Variants in NOD2 observed in about 807,000 individuals in gnomAD.
NOD2 encodes nucleotide binding oligomerization domain containing 2, also known as nucleotide-binding oligomerization domain-containing protein 2.
Under a neutral mutation model 90.9 loss-of-function variants are expected in NOD2, and 86 were observed. The observed-to-expected ratio is 0.95, with a 90% CI of 0.79 to 1.13. NOD2 has a LOEUF of 1.13. NOD2 is among the 50% of genes most tolerant of loss of function. NOD2 has a pLI of 0.00. For missense variants in NOD2, 1,238 were observed against 1,283.8 expected (o/e 0.96, Z 0.55); for synonymous variants, 581 against 554.6 (o/e 1.05, Z -0.67).
At position 50,694,610 on chromosome 16, in the gene NOD2, G is replaced by A. The variant is rs570137737; in HGVS notation, c.-9+948G>A. ...TGGTGGGGAGCTTATTACTGATGAG[G>A]TGGCTTTTTAGTGCCTTGCAGCTCT... On this transcript the variant is annotated intron_variant, in intron 1 of 11. Transcript: ENST00000647318. Among the ~76,000 whole-genome samples the A allele has an allele frequency of 1.7e-4, 26 of 152,294 alleles. No homozygotes were observed. The South Asian group carries it at 5.2e-3, about 30-fold the overall frequency.
intron 1 of NOD2, among the ~76,000 whole-genome samples, chr16:50,698,329 G>T (rs1357508756): frequency 6.6e-6 from 1 of 152,186 alleles, no homozygotes; most frequent in Non-Finnish European, 1.5e-5. Context: ...TGATAGCAGT[G>T]GCAGCAGTCT....
chr16:50,717,795 C>T (rs1245024125), intron 6 of NOD2, among the ~76,000 whole-genome samples: 2 of 152,226 alleles, frequency 1.3e-5, no homozygotes, highest in Non-Finnish European at 2.9e-5. Context: ...AGGCTGTGGC[C>T]AGACCTGGCT....
At chr16:50,702,561 A>G (rs1026777364) in intron 2 of NOD2, among the ~76,000 whole-genome samples, 3 of 152,222 alleles carry the variant, frequency 2.0e-5, no homozygotes, top group African/African-American at 7.2e-5. Flanking sequence ...TTTCCTATAA[A>G]GAAGTAGTTG....
rs1346346993 is a variant in NOD2 at position 50,712,146 on chromosome 16, C to A, written c.2154C>A (p.Ser718Arg). 1.9e-6 allele frequency: 3 copies of A among 1,614,114 alleles called. No individual in the cohort carries two copies. In the East Asian group the frequency reaches 6.7e-5, roughly 36 times the overall value. The change falls in exon 4 of 12, where the codon AGC becomes AGA. Residue 718 changes from serine (S) to arginine (R), a missense_variant. Physicochemically the swap from Ser to Arg is moderately radical, Grantham distance 110. Coordinates refer to ENST00000647318, the MANE Select transcript of NOD2 (RefSeq NM_001370466.1). ...AMPGFIWLIR[S>R]LYEMQEERLA... ...CCGGGTTCATCTGGCTCATCCGGAG[C>A]CTGTACGAGATGCAGGAGGAGCGGC...
Position 50,712,238 on chromosome 16 carries a change from C to A in NOD2, c.2246C>A (p.Pro749His). The change falls in exon 4 of 12, where the codon CCC becomes CAC. Residue 749 changes from proline (P) to histidine (H), a missense_variant. By Grantham distance (77) the Pro-to-His change is moderately conservative (BLOSUM62 -2). Coordinates refer to ENST00000647318, the MANE Select transcript of NOD2 (RefSeq NM_001370466.1). Reference sequence around the variant, plus strand: ...AAGTTGACATTTTGCAGTGTGGGCCCCACTGAGTGTGCTGCCCTGGCCTTT... The same window carrying A: ...AAGTTGACATTTTGCAGTGTGGGCCACACTGAGTGTGCTGCCCTGGCCTTT... ...HLKLTFCSVG[P>H]TECAALAFVL... 1 of 1,613,924 alleles carries A rather than the reference C, an allele frequency of 6.2e-7. No individual in the cohort carries two copies.
intron 9 of NOD2, among the ~76,000 whole-genome samples, chr16:50,724,517 G>T (rs1165970358): frequency 1.3e-5 from 2 of 152,226 alleles, no homozygotes; most frequent in African/African-American, 4.8e-5. Flanking sequence ...AGGAAGTGAT[G>T]TACAAAACAG....
intron 8 of NOD2, 49 bp downstream of exon 8, chr16:50,722,754 G>A: frequency 6.4e-7 from 1 of 1,558,032 alleles, no homozygotes; most frequent in South Asian, 1.1e-5. Context: ...ATCAGGTGAA[G>A]AGGGAGGAGC....
chr16:50,730,045 G>A (rs1157299359), intron 11 of NOD2, 144 bp downstream of exon 11: 3 of 661,502 alleles, frequency 4.5e-6, no homozygotes, highest in Non-Finnish European at 8.4e-6. Context: ...TGCATGTGAA[G>A]GATCTGATTC....
intron 2 of NOD2, among the ~76,000 whole-genome samples, chr16:50,702,262 C>A (rs773724057): frequency 1.3e-5 from 2 of 152,190 alleles, no homozygotes; most frequent in Admixed American, 6.5e-5. Flanking sequence ...GCTAAGAATT[C>A]ATCTTAAGAA....
intron 10 of NOD2, among the ~76,000 whole-genome samples, chr16:50,725,894 C>A (rs1283445862): frequency 6.6e-6 from 1 of 152,228 alleles, no homozygotes; most frequent in Non-Finnish European, 1.5e-5. Context: ...GCAGAACACA[C>A]ATGGTCACCT....
chr16:50,696,024 T>C (rs1259860994), intron 1 of NOD2, among the ~76,000 whole-genome samples: 1 of 121,406 alleles, frequency 8.2e-6, no homozygotes, highest in African/African-American at 3.3e-5. Context: ...TGTGCACTGG[T>C]GGGGGGATTT....
Position 50,707,961 on chromosome 16 carries a change from G to A in NOD2, c.565+1G>A, listed in dbSNP as rs766614906. ...GTCCCATTGGCCCTGCCTTTGGAAG[G>A]TAGGTGTATGTTCTCAGTTAATCAG... On this transcript the variant is annotated splice_donor_variant, in intron 3 of 11. Coordinates refer to ENST00000647318, the MANE Select transcript of NOD2 (RefSeq NM_001370466.1). LOFTEE classifies it high-confidence loss of function. The A allele has an allele frequency of 1.3e-5, 20 of 1,592,424 alleles. No homozygotes were observed. The highest frequency in any genetic ancestry group is 1.5e-5 in the Non-Finnish European group (17 of 1,160,276).
In NOD2 at chr16:50,711,671, G is replaced by A. The variant is rs373185098; in HGVS notation, c.1679G>A (p.Arg560His). 31 of 1,613,360 alleles carry A rather than the reference G, an allele frequency of 1.9e-5. No homozygotes were observed. Among genetic ancestry groups the A allele is most frequent in the African/African-American group, 1.2e-4 (9 of 74,936 alleles). Residue 560 changes from arginine to histidine, a missense_variant, in exon 4 of 12, where the codon CGT (arginine) becomes CAT (histidine). This residue lies in a region of NOD2 where 667 missense variants were observed against 688.7 expected (regional missense o/e 0.97). Coordinates refer to ENST00000647318, the MANE Select transcript of NOD2 (RefSeq NM_001370466.1). The part of the protein sequence containing the change: ...PDDISLGFLV[R>H]AKGVVPGSTA... ...GACATTTCTCTTGGCTTCCTGGTGCGTGCCAAAGGTGTCGTGCCAGGGAGT... is the reference window on the plus strand; with the variant it reads ...GACATTTCTCTTGGCTTCCTGGTGCATGCCAAAGGTGTCGTGCCAGGGAGT...
At chr16:50,708,634 G>A (rs1400207339) in intron 3 of NOD2, among the ~76,000 whole-genome samples, 2 of 152,214 alleles carry the variant, frequency 1.3e-5, no homozygotes, top group Non-Finnish European at 2.9e-5. Context: ...CTTGGGAGAA[G>A]AAATGTCAGT....
At chr16:50,714,436 T>A (rs1171252988) in intron 4 of NOD2, among the ~76,000 whole-genome samples, 1 of 152,156 alleles carries the variant, frequency 6.6e-6, no homozygotes, top group African/African-American at 2.4e-5. Flanking sequence ...GTGATTCTGA[T>A]ACAAGTGGTC....
At chr16:50,725,404 G>C in intron 9 of NOD2, 85 bp from the exon 10 acceptor site, 1 of 1,046,634 alleles carries the variant, frequency 9.6e-7, no homozygotes, top group Non-Finnish European at 1.5e-6. Flanking sequence ...TCAGATGTTG[G>C]ATTTCCTATA....
rs1965483543 is a variant in NOD2, at chr16:50,732,274, C to T, written c.*455C>T. Reference sequence around the variant, plus strand: ...ACATAATTCAGGAAGCAGCTTTCCCCATGTCTCGACTCATCCATCCAGGCC... The same window carrying T: ...ACATAATTCAGGAAGCAGCTTTCCCTATGTCTCGACTCATCCATCCAGGCC... On this transcript the variant is annotated 3_prime_UTR_variant, in exon 12 of 12. Transcript: ENST00000647318. 6 of 233,178 alleles carry T rather than the reference C, an allele frequency of 2.6e-5. No homozygotes were observed. In the South Asian group the frequency reaches 3.7e-4, roughly 14 times the overall value. The allele number at this position is 233,178 out of a possible 1,614,324, so 14.4% of individuals were successfully genotyped here. A position where few individuals can be genotyped will look rare whatever the true frequency, so the allele number is the denominator to read the frequency against.
In NOD2 at chr16:50,711,511, G is replaced by T; in HGVS notation, c.1519G>T (p.Gly507Cys). ...HATPPDSASQGLGPSLLRGRL... is the reference protein window; with the variant it reads ...HATPPDSASQCLGPSLLRGRL... ...CACCCCCCCAGACTCAGCTTCCCAA[G>T]GTCTGGGACCCAGTCTTCTTCGGGG... is the stretch of plus-strand genomic sequence containing the variant. The change falls in exon 4 of 12, where the codon GGT becomes TGT. Residue 507 changes from glycine to cysteine, a missense_variant. Gly to Cys is a radical substitution (Grantham distance 159). Coordinates refer to ENST00000647318, the MANE Select transcript of NOD2 (RefSeq NM_001370466.1). The T allele has an allele frequency of 6.2e-7, 1 of 1,613,326 alleles. No homozygotes were observed. Among genetic ancestry groups the T allele is most frequent in the Non-Finnish European group, 8.5e-7 (1 of 1,180,004 alleles).
At chr16:50,718,917 A>G (rs1964918547) in intron 6 of NOD2, among the ~76,000 whole-genome samples, 1 of 152,142 alleles carries the variant, frequency 6.6e-6, no homozygotes, top group Non-Finnish European at 1.5e-5. Flanking sequence ...TAAAAGGGGA[A>G]GTGGGGAAGG....
Sources: gnomAD v4.1 joint callset for allele counts (sites outside exome capture counted in the v4.1 genomes callset) on GRCh38, gnomAD v4.1.1 for gene constraint, gnomAD v4.1.1 regional missense constraint, MANE v1.5 for transcripts, NCBI Gene and HGNC (gene_info 2026-07-23, HGNC 2026-07-21) for gene names.